Variants in UBXN2B observed in about 807,000 individuals in gnomAD.
UBXN2B encodes the protein UBX domain-containing protein 2B.
In UBXN2B, 19 loss-of-function variants were observed where a neutral mutation model predicts 37.5. The observed-to-expected ratio is 0.51, with a 90% CI of 0.35 to 0.74. UBXN2B has a LOEUF of 0.74. UBXN2B is among the 30% of genes least tolerant of loss of function. The pLI, the probability that UBXN2B is intolerant of heterozygous loss-of-function variation, is 0.01. For synonymous variants in UBXN2B, 145 were observed against 143.8 expected (o/e 1.01, Z -0.06); for missense variants, 370 against 393.2 (o/e 0.94, Z 0.50).
chr8:58,431,251 A>C (rs1021858527), intron 3 of UBXN2B, among the ~76,000 whole-genome samples: 3 of 152,202 alleles, frequency 2.0e-5, no homozygotes, highest in African/African-American at 7.2e-5. Context: ...TGGGAGGCCG[A>C]AGCAGGCAGA....
At position 58,447,679 on chromosome 8, in the gene UBXN2B, T is replaced by C; in HGVS notation, c.*128T>C. The C allele has an allele frequency of 1.1e-6, 1 of 901,812 alleles. No individual in the cohort carries two copies. 55.9% of individuals were successfully genotyped at this position (901,812 alleles called of 1,614,324 possible). A position where few individuals can be genotyped will look rare whatever the true frequency, so the allele number is the denominator to read the frequency against. On this transcript the variant is annotated 3_prime_UTR_variant, in exon 8 of 8. Transcript: ENST00000399598. ...TTACAGATAAATTTTGGTTTTATTG[T>C]TATTCTGTCTTCCAATCTGAATATA...
In UBXN2B at chr8:58,444,153, T is replaced by C. The variant is rs143909430; in HGVS notation, c.672-1754T>C. 1.7e-3 allele frequency among the ~76,000 whole-genome samples: 257 copies of C among 152,270 alleles called. 6 individuals are homozygous for C. The East Asian group carries it at 0.045, about 26-fold the overall frequency. Reference sequence around the variant, plus strand: ...AGAAAGCAGTAGATTACAAAAATAATAGGGAGGCAACTTGGTGTGTAGAAA... The same window carrying C: ...AGAAAGCAGTAGATTACAAAAATAACAGGGAGGCAACTTGGTGTGTAGAAA... On this transcript the variant is annotated intron_variant, in intron 6 of 7. Transcript: ENST00000399598.
At chr8:58,412,826 TA>T (rs1807672386) in intron 1 of UBXN2B, among the ~76,000 whole-genome samples, 1 of 152,234 alleles carries the variant, frequency 6.6e-6, no homozygotes, top group Non-Finnish European at 1.5e-5. Context: ...TAAATAATGT[TA>T]TAAAGGGCCT....
intron 2 of UBXN2B, among the ~76,000 whole-genome samples, chr8:58,418,026 A>T (rs919927382): frequency 8.5e-5 from 13 of 152,112 alleles, no homozygotes; most frequent in African/African-American, 3.1e-4. Flanking sequence ...AGATCACTTG[A>T]GGTCAGGAGT....
rs1808719348 is a variant in UBXN2B at position 58,448,014 on chromosome 8, T to TGATCATACAATAATTATTTCTCC, written c.*464_*486dup. ...CGTGTCTTTTGATTTTGAAATTGTT[T>TGATCATACAATAATTATTTCTCC]GATCATACAATAATTATTTCTCCTA... On this transcript the variant is annotated 3_prime_UTR_variant, in exon 8 of 8. Coordinates refer to ENST00000399598, the MANE Select transcript of UBXN2B (RefSeq NM_001077619.2). The TGATCATACAATAATTATTTCTCC allele has an allele frequency of 5.9e-5, 9 of 152,520 alleles. No individual in the cohort carries two copies. The highest frequency in any genetic ancestry group is 3.3e-4 in the Admixed American group (5 of 15,304). The allele number at this position is 152,520 out of a possible 1,614,324, so 9.4% of individuals were successfully genotyped here.
intron 5 of UBXN2B, among the ~76,000 whole-genome samples, chr8:58,436,170 A>G (rs910027188): frequency 2.0e-5 from 3 of 152,238 alleles, no homozygotes; most frequent in Non-Finnish European, 4.4e-5. Flanking sequence ...AATGAAGTAT[A>G]TGAGGTTGTC....
Position 58,434,389 on chromosome 8 carries a change from CA to C in UBXN2B, c.424-2del. On this transcript the variant is annotated splice_polypyrimidine_tract_variant and splice_region_variant and intron_variant, in intron 4 of 7. Transcript: ENST00000399598. ...TATATATTTTTTTTTTTTCTATACC[CA>C]AAAGGTTCAGATTTTGCTTAAACTG... 7.4e-7 allele frequency: 1 copy of C among 1,342,618 alleles called. No individual in the cohort carries two copies. The allele number at this position is 1,342,618 out of a possible 1,614,324, so 83.2% of individuals were successfully genotyped here.
At chr8:58,413,498 C>T (rs368134031) in intron 1 of UBXN2B, 7 of 152,262 alleles carry the variant, frequency 4.6e-5, no homozygotes, top group Middle Eastern at 3.4e-3. Flanking sequence ...TTACGCAGTT[C>T]GTGCAGCTTT....
intron 2 of UBXN2B, among the ~76,000 whole-genome samples, chr8:58,419,354 C>T (rs976317232): frequency 1.3e-5 from 2 of 152,172 alleles, no homozygotes; most frequent in African/African-American, 4.8e-5. Flanking sequence ...TGGTCCACCT[C>T]CTTGGGCGGT....
At chr8:58,426,401 G>T (rs1043372661) in intron 2 of UBXN2B, 3 of 539,680 alleles carry the variant, frequency 5.6e-6, no homozygotes, top group Non-Finnish European at 1.0e-5. Context: ...GTAGAGACGG[G>T]GTTTCACCAT....
chr8:58,411,926 G>A (rs13253349), intron 1 of UBXN2B, among the ~76,000 whole-genome samples: 45,691 of 152,018 alleles, frequency 0.3, 7,320 homozygotes, highest in East Asian at 0.47. Context: ...CATTTTATCA[G>A]GTAGGTTTTT....
chr8:58,437,793 GAGA>G (rs1808451999), intron 5 of UBXN2B, among the ~76,000 whole-genome samples: 1 of 152,228 alleles, frequency 6.6e-6, no homozygotes, highest in African/African-American at 2.4e-5. Context: ...CTATGTAGTA[GAGA>G]AGGAGAAAGT....
chr8:58,411,390 C>T lies in UBXN2B; in HGVS notation c.5C>T (p.Ala2Val). The change falls in exon 1 of 8, where the codon GCG (alanine) becomes GTG (valine). Residue 2 changes from alanine to valine, a missense_variant. Coordinates refer to ENST00000399598, the MANE Select transcript of UBXN2B (RefSeq NM_001077619.2). Reference sequence around the variant, plus strand: ...GGCGCCGCTAGCCAGCGGAAGATGGCGGAGGGCGGAGGCCCTGAGCCCGGC... The same window carrying T: ...GGCGCCGCTAGCCAGCGGAAGATGGTGGAGGGCGGAGGCCCTGAGCCCGGC... M[A>V]EGGGPEPGEQ... The T allele has an allele frequency of 7.9e-7, 1 of 1,268,044 alleles. No homozygotes were observed. The highest frequency in any genetic ancestry group is 1.0e-6 in the Non-Finnish European group (1 of 1,002,838). The allele number at this position is 1,268,044 out of a possible 1,614,324, so 78.5% of individuals were successfully genotyped here.
chr8:58,445,916 TG>T lies in UBXN2B; in HGVS notation c.682del (p.Glu228LysfsTer2). 1 of 1,595,036 alleles carries T rather than the reference TG, an allele frequency of 6.3e-7. No homozygotes were observed. The highest frequency in any genetic ancestry group is 1.1e-5 in the South Asian group (1 of 87,600). On this transcript the variant is annotated frameshift_variant, in exon 7 of 8. Transcript: ENST00000399598. LOFTEE classifies it high-confidence loss of function. ...AATTCCTCTTTTTTAGCCTTACACC[TG>T]AAATAGTCAGTACACCTTCCTCTCC... is the stretch of plus-strand genomic sequence containing the variant. ...EGQKLGSLTP[E>X]IVSTPSSPEE...
chr8:58,439,621 C>T lies in UBXN2B; in HGVS notation c.534-12C>T. 8 of 1,584,640 alleles carry T rather than the reference C, an allele frequency of 5.0e-6. No individual in the cohort carries two copies. Among genetic ancestry groups the T allele is most frequent in the Non-Finnish European group, 6.8e-6 (8 of 1,171,962 alleles). ...AAACTTAATGATAACTTTTTTCCCC[C>T]CTTTTTAAAAGAGAGATTCCCCTGG... is the stretch of plus-strand genomic sequence containing the variant. On this transcript the variant is annotated splice_polypyrimidine_tract_variant and intron_variant, in intron 5 of 7. Coordinates refer to ENST00000399598, the MANE Select transcript of UBXN2B (RefSeq NM_001077619.2).
At chr8:58,433,631 AG>A (rs1471199927) in intron 4 of UBXN2B, among the ~76,000 whole-genome samples, 1 of 148,768 alleles carries the variant, frequency 6.7e-6, no homozygotes, top group African/African-American at 2.5e-5. Flanking sequence ...AAAAAAAAAA[AG>A]GTGTTTAAAA....
Position 58,411,460 on chromosome 8 carries a change from G to T in UBXN2B, c.75G>T (p.Arg25=), listed in dbSNP as rs1187780166. The T allele has an allele frequency of 1.6e-6, 2 of 1,254,534 alleles. No homozygotes were observed. Among genetic ancestry groups the T allele is most frequent in the Admixed American group, 4.2e-5 (1 of 23,746 alleles). The allele number at this position is 1,254,534 out of a possible 1,614,324, so 77.7% of individuals were successfully genotyped here. A position where few individuals can be genotyped will look rare whatever the true frequency, so the allele number is the denominator to read the frequency against. ...RSSGPRPPSA[R]DLQLALAELY... ...CCGGGCCGCGGCCTCCGAGCGCGCGGGATTTGCAGGTGAGGCGAGGAGCCG... is the reference window on the plus strand; with the variant it reads ...CCGGGCCGCGGCCTCCGAGCGCGCGTGATTTGCAGGTGAGGCGAGGAGCCG... Residue 25 remains arginine, a synonymous_variant, in exon 1 of 8, where the codon CGG becomes CGT. Transcript: ENST00000399598.
Position 58,420,229 on chromosome 8 carries a change from C to T in UBXN2B, c.188+3276C>T, listed in dbSNP as rs139833462. ...CATACAGTTTACAAATACACTTTTA[C>T]TCTGATAATACAGCTTTGCAACTAG... On this transcript the variant is annotated intron_variant, in intron 2 of 7. Coordinates refer to ENST00000399598, the MANE Select transcript of UBXN2B (RefSeq NM_001077619.2). Among the ~76,000 whole-genome samples the T allele has an allele frequency of 5.1e-3, 772 of 152,246 alleles. 4 individuals are homozygous for T. Among genetic ancestry groups the T allele is most frequent in the African/African-American group, 0.017 (712 of 41,532 alleles).
chr8:58,433,124 C>T (rs746453190), intron 3 of UBXN2B, 36 bp from the exon 4 acceptor site: 1 of 1,488,458 alleles, frequency 6.7e-7, no homozygotes, highest in Non-Finnish European at 9.3e-7. Context: ...CTGAATAATC[C>T]TTTGTGAATT....
Sources: gnomAD v4.1 joint callset for allele counts (sites outside exome capture counted in the v4.1 genomes callset) on GRCh38, gnomAD v4.1.1 for gene constraint, MANE v1.5 for transcripts, NCBI Gene and HGNC (gene_info 2026-07-23, HGNC 2026-07-21) for gene names.